Variants in NRG3 observed in about 807,000 individuals in gnomAD.
NRG3 encodes the protein pro-neuregulin-3, membrane-bound isoform.
Under a neutral mutation model 66.9 loss-of-function variants are expected in NRG3, and 31 were observed. The ratio of observed to expected loss-of-function variants is 0.46; its 90% CI spans 0.35 to 0.63. NRG3 has a LOEUF of 0.63. NRG3 is among the 20% of genes least tolerant of loss of function. The pLI is 0.00. For synonymous variants in NRG3, 393 were observed against 359.4 expected, an observed-to-expected ratio of 1.09 and a Z score of -1.06; for missense variants, 910 against 878.9, an observed-to-expected ratio of 1.04 and a Z score of -0.45.
rs191296693 is a variant in NRG3, at chr10:82,829,246, A to T, written c.1028-36165A>T. Among the ~76,000 whole-genome samples, 47 of 152,234 alleles carry T rather than the reference A, an allele frequency of 3.1e-4. 1 individual carries two copies. The highest frequency in any genetic ancestry group is 2.7e-3 in the Admixed American group (41 of 15,274). ...ATTGGAGCACAGTGCAGAAGGAGAG[A>T]GTGGCATCATTTTGGAGCTCTGCAT... On this transcript the variant is annotated intron_variant, in intron 3 of 8. Coordinates refer to ENST00000372141, the MANE Select transcript of NRG3 (RefSeq NM_001010848.4).
chr10:82,929,353 G>A (rs546402114), intron 4 of NRG3, among the ~76,000 whole-genome samples: 1 of 152,240 alleles, frequency 6.6e-6, no homozygotes, highest in African/African-American at 2.4e-5. Context: ...TCATTTCTAT[G>A]TCCTAAGGGA....
intron 4 of NRG3, among the ~76,000 whole-genome samples, chr10:82,950,014 A>G (rs1849375569): frequency 1.3e-5 from 2 of 152,184 alleles, no homozygotes; most frequent in Non-Finnish European, 2.9e-5. Context: ...AAGTTCTCAA[A>G]GTGTGTTTCT....
intron 3 of NRG3, among the ~76,000 whole-genome samples, chr10:82,770,505 AAT>A (rs1395056687): frequency 6.6e-6 from 1 of 152,124 alleles, no homozygotes; most frequent in African/African-American, 2.4e-5. Context: ...TTTGTACCAG[AAT>A]ATGTCTCCCT....
At chr10:82,595,678 G>A (rs1040898768) in intron 2 of NRG3, among the ~76,000 whole-genome samples, 4 of 151,974 alleles carry the variant, frequency 2.6e-5, no homozygotes, top group Admixed American at 6.6e-5. Flanking sequence ...CCAGCTACTC[G>A]GGAGGTTGAG....
intron 1 of NRG3, among the ~76,000 whole-genome samples, chr10:82,134,441 T>C (rs2069170287): frequency 6.6e-6 from 1 of 152,144 alleles, no homozygotes; most frequent in Non-Finnish European, 1.5e-5. Context: ...TGGTATATCG[T>C]ATAAGGAAAG....
intron 2 of NRG3, among the ~76,000 whole-genome samples, chr10:82,601,780 C>A (rs567638514): frequency 4.3e-4 from 63 of 147,876 alleles, no homozygotes; most frequent in African/African-American, 1.4e-3. Flanking sequence ...GAGGTCGAGG[C>A]GGAAGGATCA....
At chr10:82,293,570 C>G (rs958865166) in intron 1 of NRG3, among the ~76,000 whole-genome samples, 2 of 152,134 alleles carry the variant, frequency 1.3e-5, no homozygotes, top group Non-Finnish European at 1.5e-5. Flanking sequence ...TTTTCTCCTT[C>G]TCTTAGGCTA....
chr10:82,395,524 T>C (rs2086658046), intron 2 of NRG3, among the ~76,000 whole-genome samples: 1 of 152,192 alleles, frequency 6.6e-6, no homozygotes, highest in Admixed American at 6.5e-5. Context: ...GAATAAATAA[T>C]ATGGACTTAT....
chr10:81,991,288 GTTA>G (rs1169013310), intron 1 of NRG3, among the ~76,000 whole-genome samples: 3 of 151,988 alleles, frequency 2.0e-5, no homozygotes, highest in Admixed American at 1.3e-4. Context: ...TCAGAAAATG[GTTA>G]TTATCTCAAA....
At chr10:82,730,318 T>G (rs1181949868) in intron 2 of NRG3, among the ~76,000 whole-genome samples, 1 of 151,908 alleles carries the variant, frequency 6.6e-6, no homozygotes, top group East Asian at 1.9e-4. Flanking sequence ...TCTCCTGACC[T>G]TGTGATCCAC....
intron 1 of NRG3, among the ~76,000 whole-genome samples, chr10:82,116,383 A>G (rs1278728203): frequency 6.6e-6 from 1 of 152,128 alleles, no homozygotes; most frequent in Non-Finnish European, 1.5e-5. Flanking sequence ...AGAAAGCACT[A>G]TTTAGCTCTT....
chr10:82,755,903 T>G (rs527882375), intron 3 of NRG3, among the ~76,000 whole-genome samples: 11 of 152,284 alleles, frequency 7.2e-5, no homozygotes, highest in African/African-American at 2.6e-4. Context: ...TTGTAAACCA[T>G]GTTGTCCCTC....
chr10:82,902,549 A>G (rs940846024), intron 4 of NRG3, among the ~76,000 whole-genome samples: 2 of 152,146 alleles, frequency 1.3e-5, no homozygotes, highest in Non-Finnish European at 2.9e-5. Context: ...TCAGTAATTA[A>G]AAGTTCAAGC....
chr10:81,950,107 G>T (rs936879666), intron 1 of NRG3, among the ~76,000 whole-genome samples: 1 of 152,132 alleles, frequency 6.6e-6, no homozygotes, highest in Non-Finnish European at 1.5e-5. Flanking sequence ...AAGTTTCTGG[G>T]AGCCATACAG....
rs1841527465 is a variant in NRG3, at chr10:81,875,404, G to A, written c.64G>A (p.Glu22Lys). The A allele has an allele frequency of 1.6e-5, 16 of 1,016,580 alleles. No individual in the cohort carries two copies. Among genetic ancestry groups the A allele is most frequent in the South Asian group, 4.5e-5 (1 of 22,466 alleles). The allele number at this position is 1,016,580 out of a possible 1,614,324, so 63.0% of individuals were successfully genotyped here. A position where few individuals can be genotyped will look rare whatever the true frequency, so the allele number is the denominator to read the frequency against. Reference protein sequence around the residue: ...GAASAAAASAEEGTAAAAAAA... With the variant: ...GAASAAAASAKEGTAAAAAAA... ...CGCTTCGGCAGCCGCCGCCTCGGCC[G>A]AGGAGGGCACCGCGGCGGCTGCGGC... is the stretch of plus-strand genomic sequence containing the variant. Residue 22 changes from glutamate (E) to lysine (K), a missense_variant, in exon 1 of 9, where the codon GAG becomes AAG. Transcript: ENST00000372141. The surrounding 1 kb of genome is among the most constrained non-coding windows in gnomAD (Gnocchi z 5.3).
intron 3 of NRG3, among the ~76,000 whole-genome samples, chr10:82,776,682 T>C (rs900577649): frequency 6.6e-6 from 1 of 151,990 alleles, no homozygotes; most frequent in Non-Finnish European, 1.5e-5. Flanking sequence ...AGACAGACTT[T>C]TTGCTGCTTG....
chr10:82,031,751 A>C (rs950330759), intron 1 of NRG3, among the ~76,000 whole-genome samples: 7 of 152,060 alleles, frequency 4.6e-5, no homozygotes, highest in Non-Finnish European at 1.0e-4. Context: ...ATTGATCTTT[A>C]GTCCTTATTA....
chr10:82,542,128 G>A (rs917355657), intron 2 of NRG3, among the ~76,000 whole-genome samples: 82 of 152,032 alleles, frequency 5.4e-4, no homozygotes, highest in African/African-American at 1.9e-3. Context: ...CTGTGTCCAT[G>A]TGTTCTCATT....
chr10:82,426,566 T>A (rs899572083), intron 2 of NRG3, among the ~76,000 whole-genome samples: 1 of 149,036 alleles, frequency 6.7e-6, no homozygotes, highest in Admixed American at 6.7e-5. Context: ...GCTTTTTACC[T>A]TTTGGACTGA....
Sources: gnomAD v4.1 joint callset for allele counts (sites outside exome capture counted in the v4.1 genomes callset) on GRCh38, gnomAD v4.1.1 for gene constraint, Gnocchi (gnomAD v3.1) non-coding constraint, MANE v1.5 for transcripts, NCBI Gene and HGNC (gene_info 2026-07-23, HGNC 2026-07-21) for gene names.